Variants in MAP2K3 observed in about 807,000 individuals in gnomAD.
MAP2K3 encodes the protein mitogen-activated protein kinase kinase 3.
A neutral mutation model predicts 46.4 loss-of-function variants in MAP2K3; 30 were observed. The observed-to-expected ratio is 0.65, with a 90% CI of 0.48 to 0.88. MAP2K3 has a LOEUF of 0.88. Ranked by LOEUF, MAP2K3 falls within the 40% of genes least tolerant of loss-of-function variation. The probability of loss-of-function intolerance (pLI) is 0.00; values close to 1 mark genes in which losing one functional copy is unlikely to be tolerated. For missense variants in MAP2K3, 380 were observed against 464.5 expected (o/e 0.82, Z 1.67); for synonymous variants, 189 against 176.3 (o/e 1.07, Z -0.57).
intron 1 of MAP2K3, among the ~76,000 whole-genome samples, chr17:21,289,898 G>A (rs1345066289): frequency 6.6e-6 from 1 of 152,196 alleles, no homozygotes; most frequent in African/African-American, 2.4e-5. Context: ...CTCTGGGGAG[G>A]CCATGTCCAG....
chr17:21,310,525 C>A (rs72838563), intron 9 of MAP2K3, among the ~76,000 whole-genome samples: 1 of 152,266 alleles, frequency 6.6e-6, no homozygotes, highest in Admixed American at 6.5e-5. Flanking sequence ...GGCCTCCCCC[C>A]ATCCTGCAAG....
At chr17:21,298,650 C>T (rs551564502) in intron 2 of MAP2K3, among the ~76,000 whole-genome samples, 171 bp downstream of exon 2, 46 of 152,392 alleles carry the variant, frequency 3.0e-4, no homozygotes, top group African/African-American at 1.0e-3. Flanking sequence ...CATGCAGCAC[C>T]ATTTGCTCTG....
At chr17:21,303,072 G>T (rs1748341676) in intron 6 of MAP2K3, 111 bp from the exon 7 acceptor site, 4 of 1,407,012 alleles carry the variant, frequency 2.8e-6, no homozygotes, top group African/African-American at 1.4e-5. Context: ...AGCCTGTGCA[G>T]CGGGAGCGGG....
chr17:21,290,441 G>A (rs1240316944), intron 1 of MAP2K3, among the ~76,000 whole-genome samples: 2 of 152,302 alleles, frequency 1.3e-5, no homozygotes, highest in Non-Finnish European at 2.9e-5. Flanking sequence ...CCAGGGTGGC[G>A]CGGGCAGACA....
intron 1 of MAP2K3, among the ~76,000 whole-genome samples, chr17:21,296,888 G>A (rs148124175): frequency 1.3e-4 from 20 of 151,630 alleles, no homozygotes; most frequent in Admixed American, 1.2e-3. Context: ...GGCACCCAGT[G>A]CATGTGGCGG....
At chr17:21,293,824 A>G (rs1976083882) in intron 1 of MAP2K3, among the ~76,000 whole-genome samples, 1 of 152,312 alleles carries the variant, frequency 6.6e-6, no homozygotes. Context: ...TGGGCCTGGC[A>G]TGGAGCAGGC....
At chr17:21,300,791 C>G (rs1186637883) in intron 4 of MAP2K3, 83 bp from the exon 5 acceptor site, 4 of 1,611,510 alleles carry the variant, frequency 2.5e-6, no homozygotes, top group Non-Finnish European at 8.5e-7. Context: ...GGCAGTGGCC[C>G]CCTGAGCTCC....
chr17:21,312,638 T>C (rs72838570), intron 10 of MAP2K3, among the ~76,000 whole-genome samples: 7 of 152,150 alleles, frequency 4.6e-5, no homozygotes, highest in South Asian at 4.1e-4. Flanking sequence ...TTTGAGAGGC[T>C]GGGCACGGTG....
intron 2 of MAP2K3, 80 bp downstream of exon 2, chr17:21,298,559 GT>G: frequency 6.2e-7 from 1 of 1,610,858 alleles, no homozygotes; most frequent in Non-Finnish European, 8.5e-7. Context: ...TGAGAGGCAG[GT>G]GGGGCCAGCC....
At chr17:21,300,240 C>T (rs1457028886) in intron 3 of MAP2K3, among the ~76,000 whole-genome samples, 9 of 152,308 alleles carry the variant, frequency 5.9e-5, no homozygotes, top group South Asian at 4.1e-4. Flanking sequence ...TGAGTGGGGT[C>T]GGGAAAAGAG....
intron 3 of MAP2K3, among the ~76,000 whole-genome samples, chr17:21,300,084 C>G (rs1976505016): frequency 2.0e-5 from 3 of 152,202 alleles, no homozygotes; most frequent in Non-Finnish European, 2.9e-5. Flanking sequence ...CATCTACTTG[C>G]TTACTCCTTT....
At chr17:21,291,262 TCAATACAATAGAATA>T (rs71160133) in intron 1 of MAP2K3, among the ~76,000 whole-genome samples, 126 of 79,550 alleles carry the variant, frequency 1.6e-3, no homozygotes, top group East Asian at 7.1e-3. Flanking sequence ...TACAATACAA[TCAATACAATAGAATA>T]CAATACAATA....
At chr17:21,302,379 C>G in intron 6 of MAP2K3, 120 bp downstream of exon 6, 1 of 1,122,198 alleles carries the variant, frequency 8.9e-7, no homozygotes, top group Non-Finnish European at 1.3e-6. Flanking sequence ...CATCAATGTG[C>G]CCCCTGAACC....
intron 9 of MAP2K3, among the ~76,000 whole-genome samples, chr17:21,305,445 G>T (rs1433403347): frequency 2.6e-5 from 4 of 152,280 alleles, no homozygotes; most frequent in African/African-American, 9.6e-5. Flanking sequence ...TGTAAATCAT[G>T]CAAAAGCAAG....
chr17:21,306,307 G>A (rs80293992), intron 9 of MAP2K3, among the ~76,000 whole-genome samples: 53 of 130,374 alleles, frequency 4.1e-4, no homozygotes, highest in East Asian at 1.6e-3. Context: ...AAAACTCAGG[G>A]AAACACTTTA....
At chr17:21,298,987 GAC>G in intron 3 of MAP2K3, 61 bp downstream of exon 3, 1 of 1,611,330 alleles carries the variant, frequency 6.2e-7, no homozygotes, top group Non-Finnish European at 8.5e-7. Flanking sequence ...GGGTAGAGCT[GAC>G]CCTGCAGGGC....
At chr17:21,298,545 G>T in intron 2 of MAP2K3, 66 bp downstream of exon 2, 1 of 1,613,262 alleles carries the variant, frequency 6.2e-7, no homozygotes, top group Non-Finnish European at 8.5e-7. Context: ...CTCAATGGAA[G>T]GAGTGAGAGG....
chr17:21,313,770 G>A, intron 11 of MAP2K3: 1 of 588,992 alleles, frequency 1.7e-6, no homozygotes, highest in Non-Finnish European at 3.0e-6. Flanking sequence ...TGACAGAATG[G>A]GGCAGAGGGG....
chr17:21,311,847 T>C (rs1977178237), intron 9 of MAP2K3: 3 of 281,138 alleles, frequency 1.1e-5, no homozygotes, highest in Non-Finnish European at 2.0e-5. Context: ...TGCATTGTTT[T>C]GTAAAATCTT....
Sources: allele counts gnomAD v4.1 joint callset (sites outside exome capture counted in the v4.1 genomes callset), GRCh38; gene constraint gnomAD v4.1.1; transcripts MANE v1.5; gene names NCBI Gene and HGNC (gene_info 2026-07-23, HGNC 2026-07-21).